The following DOK6 variants were observed in gnomAD, a reference collection of about 807,000 sequenced individuals.
DOK6 encodes the protein downstream of tyrosine kinase 6.
A neutral mutation model predicts 44.0 loss-of-function variants in DOK6; 22 were observed. The ratio of observed to expected loss-of-function variants is 0.50; its 90% confidence interval spans 0.36 to 0.71. The LOEUF (loss-of-function observed/expected upper bound fraction) is 0.71. Ranked by LOEUF, DOK6 falls within the 30% of genes least tolerant of loss-of-function variation. The pLI is 0.00. For missense variants in DOK6, 340 were observed against 416.4 expected, an observed-to-expected ratio of 0.82 and a Z score of 1.60; for synonymous variants, 166 against 145.5, an observed-to-expected ratio of 1.14 and a Z score of -1.01.
Position 69,706,803 on chromosome 18 carries a change from T to C in DOK6, c.599+8210T>C, listed in dbSNP as rs186953087. On this transcript the variant is annotated intron_variant, in intron 5 of 7. Transcript: ENST00000382713. ...GCGGTGTTTGGTTTTTTTGTCCTTG[T>C]GATACTTTACTGAGAATGATGATTT... Among the ~76,000 whole-genome samples, 550 of 151,346 alleles carry C rather than the reference T, an allele frequency of 3.6e-3. 6 individuals carry two copies. Among genetic ancestry groups the C allele is most frequent in the African/African-American group, 0.013 (533 of 41,198 alleles).
intron 7 of DOK6, chr18:69,777,846 G>A (rs572028583): frequency 7.3e-5 from 11 of 150,980 alleles, no homozygotes; most frequent in African/African-American, 2.7e-4. Flanking sequence ...AGGGAAACAT[G>A]AAGAAGAAAC....
chr18:69,457,571 G>A (rs560848095), intron 1 of DOK6, among the ~76,000 whole-genome samples: 7 of 152,252 alleles, frequency 4.6e-5, no homozygotes, highest in African/African-American at 1.4e-4. Context: ...GTGATGTGAT[G>A]CCTCAAGTCT....
intron 2 of DOK6, among the ~76,000 whole-genome samples, chr18:69,581,136 A>C (rs1259434992): frequency 2.0e-5 from 3 of 152,222 alleles, no homozygotes; most frequent in Non-Finnish European, 4.4e-5. Context: ...TTCTTAAAGT[A>C]AACAGTGTCA....
At chr18:69,704,007 A>G (rs80274606) in intron 5 of DOK6, among the ~76,000 whole-genome samples, 6,010 of 152,222 alleles carry the variant, frequency 0.039, 175 homozygotes, top group East Asian at 0.086. Flanking sequence ...CCATTTCCAA[A>G]CCAGGAAGAA....
intron 7 of DOK6, among the ~76,000 whole-genome samples, chr18:69,792,482 G>A (rs1228529981): frequency 6.6e-6 from 1 of 151,704 alleles, no homozygotes; most frequent in Non-Finnish European, 1.5e-5. Context: ...TCCTTTTTCA[G>A]ATTGTTTGCT....
At chr18:69,551,977 C>T (rs1261294820) in intron 1 of DOK6, among the ~76,000 whole-genome samples, 1 of 152,198 alleles carries the variant, frequency 6.6e-6, no homozygotes, top group Non-Finnish European at 1.5e-5. Flanking sequence ...CTTGGCTATT[C>T]AGGCAAGCCC....
chr18:69,481,375 ACCCC>A lies in DOK6; in HGVS notation c.66+80067_66+80070del, dbSNP rs538254424. Among the ~76,000 whole-genome samples, 1,115 of 150,624 alleles carry A rather than the reference ACCCC, an allele frequency of 7.4e-3. 14 individuals are homozygous for A. The highest frequency in any genetic ancestry group is 0.025 in the African/African-American group (1,018 of 40,926). ...TCTCCTAATGCTATCCCTACCCCCTACCCCCACCCCACAACAGGCCCCAGTGTGT... is the reference window on the plus strand; with the variant it reads ...TCTCCTAATGCTATCCCTACCCCCTACACCCCACAACAGGCCCCAGTGTGT... On this transcript the variant is annotated intron_variant, in intron 1 of 7. Transcript: ENST00000382713.
intron 7 of DOK6, among the ~76,000 whole-genome samples, chr18:69,778,683 C>A (rs1244907960): frequency 6.6e-6 from 1 of 152,076 alleles, no homozygotes; most frequent in Non-Finnish European, 1.5e-5. Context: ...TGGTTCAGAC[C>A]ACTAAATCAT....
At chr18:69,816,411 T>A (rs1038170015) in intron 7 of DOK6, among the ~76,000 whole-genome samples, 4 of 152,208 alleles carry the variant, frequency 2.6e-5, no homozygotes, top group Non-Finnish European at 5.9e-5. Flanking sequence ...CATCTCATTA[T>A]ACATAGACCA....
chr18:69,758,604 C>T (rs1979438836), intron 7 of DOK6, among the ~76,000 whole-genome samples: 1 of 152,132 alleles, frequency 6.6e-6, no homozygotes, highest in Admixed American at 6.5e-5. Flanking sequence ...CTACAAGCAA[C>T]TGACTAACAG....
intron 3 of DOK6, among the ~76,000 whole-genome samples, chr18:69,644,400 T>A (rs1985019010): frequency 6.6e-6 from 1 of 152,220 alleles, no homozygotes; most frequent in African/African-American, 2.4e-5. Flanking sequence ...TTCATTTTGC[T>A]CTTAAGTTTA....
At chr18:69,489,142 CA>C (rs1980666753) in intron 1 of DOK6, among the ~76,000 whole-genome samples, 1 of 152,176 alleles carries the variant, frequency 6.6e-6, no homozygotes, top group African/African-American at 2.4e-5. Context: ...CTAAAAGGAT[CA>C]CAGCATATTT....
chr18:69,536,129 G>A (rs1982116386), intron 1 of DOK6, among the ~76,000 whole-genome samples: 1 of 152,082 alleles, frequency 6.6e-6, no homozygotes, highest in South Asian at 2.1e-4. Flanking sequence ...GAAAGCATAT[G>A]GTCTTGTTCT....
At chr18:69,769,072 G>A (rs1979811356) in intron 7 of DOK6, among the ~76,000 whole-genome samples, 1 of 150,950 alleles carries the variant, frequency 6.6e-6, no homozygotes, top group African/African-American at 2.4e-5. Context: ...ATGTTGGTTT[G>A]GTAAGAAGTT....
intron 1 of DOK6, among the ~76,000 whole-genome samples, chr18:69,496,095 AG>A (rs1270413261): frequency 1.3e-5 from 2 of 152,130 alleles, no homozygotes; most frequent in African/African-American, 2.4e-5. Context: ...TCTGTGGGCT[AG>A]GAGGCCCAGA....
At chr18:69,558,224 AAT>A (rs1461921594) in intron 1 of DOK6, among the ~76,000 whole-genome samples, 1 of 152,128 alleles carries the variant, frequency 6.6e-6, no homozygotes, top group African/African-American at 2.4e-5. Context: ...CTAATGCACT[AAT>A]AAAATCTGGT....
chr18:69,416,786 A>AT (rs2122399215), intron 1 of DOK6, among the ~76,000 whole-genome samples: 1 of 152,266 alleles, frequency 6.6e-6, no homozygotes, highest in Non-Finnish European at 1.5e-5. Flanking sequence ...AAGGGACTGC[A>AT]TTTATATAGA....
intron 7 of DOK6, among the ~76,000 whole-genome samples, chr18:69,803,757 G>A (rs963491237): frequency 3.3e-5 from 5 of 152,080 alleles, no homozygotes; most frequent in African/African-American, 9.7e-5. Flanking sequence ...TACTCGGGAG[G>A]CTGAGGCAGA....
chr18:69,602,012 A>G (rs1422013082), intron 3 of DOK6, among the ~76,000 whole-genome samples: 1 of 152,244 alleles, frequency 6.6e-6, no homozygotes, highest in African/African-American at 2.4e-5. Context: ...ATGCTTGATG[A>G]ATAAATACAT....
Sources: allele counts gnomAD v4.1 joint callset (sites outside exome capture counted in the v4.1 genomes callset), GRCh38; gene constraint gnomAD v4.1.1; transcripts MANE v1.5; gene names NCBI Gene and HGNC (gene_info 2026-07-23, HGNC 2026-07-21).